The following DMD variants were observed in gnomAD, a reference collection of about 807,000 sequenced individuals.
DMD encodes mutant dystrophin.
In DMD, 63 loss-of-function variants were observed where a neutral mutation model predicts 330.1. The ratio of observed to expected loss-of-function variants is 0.19; its 90% CI spans 0.16 to 0.24. The LOEUF is 0.24. Among genes scored for constraint, DMD ranks in the 10% least tolerant of loss-of-function variants. The pLI is 1.00. For missense variants in DMD, 3,344 were observed against 2,684.1 expected, an observed-to-expected ratio of 1.25 and a Z score of -5.43; for synonymous variants, 1,223 against 959.8, an observed-to-expected ratio of 1.27 and a Z score of -5.07.
chrX:32,556,764 C>A (rs1430896313), intron 16 of DMD, among the ~76,000 whole-genome samples: 1 of 111,285 alleles, frequency 9.0e-6, no homozygotes, highest in Non-Finnish European at 1.9e-5. Flanking sequence ...TTTAACTTTC[C>A]ATTTAATTAT....
intron 7 of DMD, among the ~76,000 whole-genome samples, chrX:32,713,745 T>C (rs1312468603): frequency 1.8e-5 from 2 of 111,269 alleles, no homozygotes; most frequent in Non-Finnish European, 3.8e-5. Context: ...ACACAGAGAG[T>C]CGCATACATA....
chrX:32,633,696 A>G (rs2058899219), intron 11 of DMD, among the ~76,000 whole-genome samples: 1 of 112,061 alleles, frequency 8.9e-6, no homozygotes, highest in Admixed American at 9.5e-5. Flanking sequence ...CAGGCTGTAC[A>G]GGAAATATGA....
At chrX:31,740,508 A>G (rs933329161) in intron 51 of DMD, among the ~76,000 whole-genome samples, 7 of 112,536 alleles carry the variant, frequency 6.2e-5, no homozygotes, top group Admixed American at 9.4e-5. Flanking sequence ...CAATAAAGTA[A>G]ATATCACAAT....
chrX:33,137,841 A>C (rs889913725), intron 1 of DMD, among the ~76,000 whole-genome samples: 3 of 112,098 alleles, frequency 2.7e-5, no homozygotes, highest in Non-Finnish European at 5.6e-5. Flanking sequence ...GACTTTTATC[A>C]ATGTAAGTAA....
intron 1 of DMD, among the ~76,000 whole-genome samples, chrX:33,191,149 T>C (rs1234641196): frequency 9.9e-6 from 1 of 101,272 alleles, no homozygotes; most frequent in Non-Finnish European, 2.0e-5. Context: ...TAAATATCTT[T>C]TGTTTGCATT....
At chrX:32,754,135 G>A (rs914281513) in intron 7 of DMD, among the ~76,000 whole-genome samples, 3 of 111,278 alleles carry the variant, frequency 2.7e-5, no homozygotes, top group African/African-American at 6.5e-5. Flanking sequence ...ATTTAGAGTT[G>A]CTGGTCACTT....
At chrX:33,007,731 G>T (rs2093424403) in intron 2 of DMD, among the ~76,000 whole-genome samples, 1 of 111,366 alleles carries the variant, frequency 9.0e-6, no homozygotes, top group Admixed American at 9.6e-5. Flanking sequence ...AATAGATAGA[G>T]AATGTAGACT....
intron 2 of DMD, among the ~76,000 whole-genome samples, chrX:32,863,322 G>C (rs1028245074): frequency 2.2e-4 from 24 of 108,864 alleles, no homozygotes; most frequent in Non-Finnish European, 7.6e-5. Context: ...TTTGAGACCA[G>C]CCTGGCCAAC....
At chrX:31,699,112 G>A (rs193275001) in intron 52 of DMD, among the ~76,000 whole-genome samples, 6 of 111,981 alleles carry the variant, frequency 5.4e-5, no homozygotes, top group African/African-American at 1.9e-4. Flanking sequence ...ACAAGGCACT[G>A]AGAAAAGTAC....
At chrX:31,488,914 C>T (rs762426185) in intron 57 of DMD, among the ~76,000 whole-genome samples, 75 of 111,610 alleles carry the variant, frequency 6.7e-4, no homozygotes, top group African/African-American at 2.2e-3. Context: ...GAATAAAATC[C>T]ACCTCCAAAC....
chrX:31,700,050 G>T (rs1372954002), intron 52 of DMD, among the ~76,000 whole-genome samples: 1 of 109,768 alleles, frequency 9.1e-6, no homozygotes, highest in Non-Finnish European at 1.9e-5. Context: ...GCCAGGCGCA[G>T]TGGCAGGCAC....
intron 7 of DMD, among the ~76,000 whole-genome samples, chrX:32,733,696 A>C (rs1271443883): frequency 2.7e-5 from 3 of 111,139 alleles, no homozygotes; most frequent in Non-Finnish European, 3.8e-5. Context: ...GCAGAAATAA[A>C]GATGTTCTTT....
intron 63 of DMD, among the ~76,000 whole-genome samples, chrX:31,243,426 G>C (rs2048544649): frequency 8.9e-6 from 1 of 111,942 alleles, no homozygotes; most frequent in Non-Finnish European, 1.9e-5. Context: ...TATGTAACCA[G>C]GAGGCTGTTA....
intron 2 of DMD, among the ~76,000 whole-genome samples, chrX:32,996,153 G>A (rs1337632084): frequency 1.8e-5 from 2 of 111,570 alleles, no homozygotes; most frequent in African/African-American, 6.5e-5. Context: ...ACTGATTTAA[G>A]CAAAGACAAA....
chrX:32,049,839 A>AT (rs939607487), intron 44 of DMD, among the ~76,000 whole-genome samples: 3 of 110,796 alleles, frequency 2.7e-5, no homozygotes, highest in African/African-American at 6.6e-5. Context: ...AGGAAGGAAG[A>AT]TTTTTTTTCA....
intron 41 of DMD, among the ~76,000 whole-genome samples, chrX:32,326,070 A>G (rs933483808): frequency 8.9e-6 from 1 of 112,077 alleles, no homozygotes; most frequent in Non-Finnish European, 1.9e-5. Flanking sequence ...TGCTAAGCTG[A>G]AAAGTTTTCC....
chrX:31,573,697 C>T (rs1011014770), intron 55 of DMD, among the ~76,000 whole-genome samples: 1 of 111,202 alleles, frequency 9.0e-6, no homozygotes, highest in African/African-American at 3.3e-5. Flanking sequence ...TAAAACAGCG[C>T]CATGTAAACT....
At chrX:33,163,624 C>CTATCTACCTATCTATGTATCTATG (rs2048905621) in intron 1 of DMD, among the ~76,000 whole-genome samples, 1 of 82,842 alleles carries the variant, frequency 1.2e-5, no homozygotes, top group East Asian at 4.1e-4. Flanking sequence ...CTATCTCTAT[C>CTATCTACCTATCTATGTATCTATG]TATCTATCTA....
chrX:31,213,822 T>C (rs1253658550), intron 64 of DMD, among the ~76,000 whole-genome samples: 1 of 111,998 alleles, frequency 8.9e-6, no homozygotes, highest in Non-Finnish European at 1.9e-5. Context: ...GCTAAAAGTA[T>C]GACTGAGGCA....
Sources: gnomAD v4.1 joint callset for allele counts (sites outside exome capture counted in the v4.1 genomes callset) on GRCh38, gnomAD v4.1.1 for gene constraint, MANE v1.5 for transcripts, NCBI Gene and HGNC (gene_info 2026-07-23, HGNC 2026-07-21) for gene names.